BIN2: variants seen among roughly 807,000 people sequenced by gnomAD.
The protein encoded by BIN2 is bridging integrator 2, also known as breast cancer associated protein BRAP1.
BIN2 carries 43 observed loss-of-function variants against 67.9 expected under a neutral mutation model. The ratio of observed to expected loss-of-function variants is 0.63; its 90% CI spans 0.50 to 0.82. The LOEUF is 0.82. Ranked by LOEUF, BIN2 falls within the 40% of genes least tolerant of loss-of-function variation. BIN2 has a pLI of 0.00. For missense variants in BIN2, 581 were observed against 671.6 expected, an observed-to-expected ratio of 0.87 and a Z score of 1.49; for synonymous variants, 244 against 246.8, an observed-to-expected ratio of 0.99 and a Z score of 0.11.
chr12:51,295,577 A>AATATAT (rs1163870830), intron 9 of BIN2, among the ~76,000 whole-genome samples: 17 of 29,518 alleles, frequency 5.8e-4, no homozygotes, highest in Non-Finnish European at 7.9e-4. Context: ...AAAAAAAAAA[A>AATATAT]ATATATATAT....
intron 8 of BIN2, among the ~76,000 whole-genome samples, chr12:51,296,130 C>T (rs1329708358): frequency 6.6e-6 from 1 of 152,126 alleles, no homozygotes; most frequent in Non-Finnish European, 1.5e-5. Context: ...GGGTCCATAA[C>T]TGATGTCTGA....
rs559006020 is a variant in BIN2, at chr12:51,287,674, C to T, written c.1596+434G>A. 4.1e-5 allele frequency among the ~76,000 whole-genome samples: 6 copies of T among 147,610 alleles called. No individual in the cohort carries two copies. The East Asian group carries it at 6.1e-4, about 15-fold the overall frequency. Reference sequence around the variant, plus strand: ...GTTTTTTTTTTTTTTCTTTTTGAGACGGAGTCTCGCTCTGTCACCCAGGCT... The same window carrying T: ...GTTTTTTTTTTTTTTCTTTTTGAGATGGAGTCTCGCTCTGTCACCCAGGCT... On this transcript the variant is annotated intron_variant, in intron 11 of 12. Coordinates refer to ENST00000615107, the MANE Select transcript of BIN2 (RefSeq NM_016293.4).
Position 51,302,823 on chromosome 12 carries a change from A to G in BIN2, c.218-43T>C, listed in dbSNP as rs1225226154. On this transcript the variant is annotated intron_variant, in intron 3 of 12. Coordinates refer to ENST00000615107, the MANE Select transcript of BIN2 (RefSeq NM_016293.4). The stretch of plus-strand genomic sequence containing the variant: ...AGTCCCACCATCATGTTTCCCCAAC[A>G]GTAGTTGGTGTAATCACATGGGTGA... 2.0e-6 allele frequency: 3 copies of G among 1,501,976 alleles called. No individual in the cohort carries two copies. In the African/African-American group the frequency reaches 4.1e-5, roughly 21 times the overall value. 93.0% of individuals were successfully genotyped at this position (1,501,976 alleles called of 1,614,324 possible).
At chr12:51,311,896 C>T (rs938151965) in intron 2 of BIN2, among the ~76,000 whole-genome samples, 1 of 151,956 alleles carries the variant, frequency 6.6e-6, no homozygotes, top group African/African-American at 2.4e-5. Context: ...TTCAGCCTCC[C>T]GAATAGCTGG....
intron 7 of BIN2, among the ~76,000 whole-genome samples, chr12:51,298,108 T>C (rs774659519): frequency 2.0e-5 from 3 of 152,032 alleles, no homozygotes; most frequent in Non-Finnish European, 4.4e-5. Context: ...GCACGGTGGC[T>C]CACGCGTGTA....
intron 9 of BIN2, among the ~76,000 whole-genome samples, chr12:51,293,602 G>A (rs956779626): frequency 6.6e-6 from 1 of 152,110 alleles, no homozygotes; most frequent in Non-Finnish European, 1.5e-5. Context: ...GTGAGCCATC[G>A]TGCCTGGCAC....
At chr12:51,299,917 T>C (rs1413698118) in intron 5 of BIN2, among the ~76,000 whole-genome samples, 4 of 152,096 alleles carry the variant, frequency 2.6e-5, no homozygotes, top group South Asian at 2.1e-4. Context: ...CAGCTCACTG[T>C]AACCTCTGCC....
intron 5 of BIN2, among the ~76,000 whole-genome samples, chr12:51,301,420 T>A (rs1945720464): frequency 6.6e-6 from 1 of 152,192 alleles, no homozygotes; most frequent in Non-Finnish European, 1.5e-5. Flanking sequence ...TTTAGTGCCA[T>A]CAGCTGTTTC....
intron 4 of BIN2, chr12:51,302,436 G>A (rs1945750811): frequency 1.9e-6 from 1 of 536,072 alleles, no homozygotes; most frequent in East Asian, 3.2e-5. Flanking sequence ...TCTTTAGGAG[G>A]TAAAACTTCC....
chr12:51,317,925 T>C (rs1021024207), intron 1 of BIN2, among the ~76,000 whole-genome samples: 7 of 151,904 alleles, frequency 4.6e-5, no homozygotes, highest in African/African-American at 1.7e-4. Flanking sequence ...GAGGCGGAGC[T>C]TGCAGTGACC....
intron 10 of BIN2, among the ~76,000 whole-genome samples, chr12:51,289,598 AGAGT>A (rs1262828330): frequency 6.6e-6 from 1 of 152,198 alleles, no homozygotes; most frequent in African/African-American, 2.4e-5. Context: ...CCTGGGTGAC[AGAGT>A]GAGACCCTGT....
At position 51,302,221 on chromosome 12, in the gene BIN2, T is replaced by C; in HGVS notation, c.313-106A>G. On this transcript the variant is annotated intron_variant, in intron 4 of 12. Coordinates refer to ENST00000615107, the MANE Select transcript of BIN2 (RefSeq NM_016293.4). The stretch of plus-strand genomic sequence containing the variant: ...TGCAAAAACCTTTTTTGTAGCACCG[T>C]ATTTAGAATACCATGTTGGATTCTG... The C allele has an allele frequency of 4.1e-6, 3 of 727,544 alleles. No individual in the cohort carries two copies. In the South Asian group the frequency reaches 4.9e-5, roughly 12 times the overall value. 45.1% of individuals were successfully genotyped at this position (727,544 alleles called of 1,614,324 possible). A position where few individuals can be genotyped will look rare whatever the true frequency, so the allele number is the denominator to read the frequency against.
At chr12:51,283,143 G>A (rs1945152718) in intron 12 of BIN2, among the ~76,000 whole-genome samples, 1 of 151,384 alleles carries the variant, frequency 6.6e-6, no homozygotes, top group Non-Finnish European at 1.5e-5. Flanking sequence ...TGTAATCCCA[G>A]CTACTCAGGA....
chr12:51,290,029 G>C (rs1257866740), intron 10 of BIN2, among the ~76,000 whole-genome samples: 1 of 151,832 alleles, frequency 6.6e-6, no homozygotes, highest in African/African-American at 2.4e-5. Context: ...AGAAGGTAAA[G>C]CTCAGGATTC....
intron 11 of BIN2, 87 bp from the exon 12 acceptor site, chr12:51,284,874 A>G (rs1204646486): frequency 8.2e-6 from 8 of 971,828 alleles, no homozygotes; most frequent in Non-Finnish European, 1.3e-5. Context: ...CTTATACTTT[A>G]CAAGGGTCTC....
chr12:51,300,459 T>A (rs550337802), intron 5 of BIN2, among the ~76,000 whole-genome samples: 2 of 152,294 alleles, frequency 1.3e-5, no homozygotes, highest in South Asian at 4.1e-4. Context: ...CTGTGGCCAG[T>A]GGCAAGGCAC....
At chr12:51,309,469 AT>A (rs1291983419) in intron 2 of BIN2, among the ~76,000 whole-genome samples, 1 of 152,160 alleles carries the variant, frequency 6.6e-6, no homozygotes, top group Admixed American at 6.6e-5. Context: ...TGTTAAATGT[AT>A]TTACCAAAAA....
intron 9 of BIN2, 118 bp from the exon 10 acceptor site, chr12:51,292,462 T>G: frequency 8.4e-7 from 1 of 1,197,304 alleles, no homozygotes; most frequent in East Asian, 2.5e-5. Context: ...TGTTAGAAAG[T>G]TTGCATAATT....
intron 1 of BIN2, among the ~76,000 whole-genome samples, chr12:51,319,877 G>A (rs1946221935): frequency 6.6e-6 from 1 of 152,152 alleles, no homozygotes; most frequent in South Asian, 2.1e-4. Context: ...CATAGGGCCT[G>A]GATATTTGAT....
Sources: gnomAD v4.1 joint callset for allele counts (sites outside exome capture counted in the v4.1 genomes callset) on GRCh38, gnomAD v4.1.1 for gene constraint, MANE v1.5 for transcripts, NCBI Gene and HGNC (gene_info 2026-07-23, HGNC 2026-07-21) for gene names.